The following DNAAF6 variants were observed in gnomAD, a reference collection of about 807,000 sequenced individuals.
The protein encoded by DNAAF6 is dynein axonemal assembly factor 6.
DNAAF6 carries 3 observed loss-of-function variants against 13.7 expected under a neutral mutation model. The observed-to-expected ratio is 0.22, with a 90% CI of 0.10 to 0.56. The LOEUF (loss-of-function observed/expected upper bound fraction) is 0.56, where lower values mean the gene tolerates loss of function less well. Among genes scored for constraint, DNAAF6 ranks in the 20% least tolerant of loss-of-function variants. The pLI is 0.92. For synonymous variants in DNAAF6, 54 were observed against 49.2 expected, an observed-to-expected ratio of 1.10 and a Z score of -0.41; for missense variants, 130 against 151.0, an observed-to-expected ratio of 0.86 and a Z score of 0.73.
intron 4 of DNAAF6, among the ~76,000 whole-genome samples, chrX:107,220,957 T>TTTTC (rs202218530): frequency 1.2e-4 from 6 of 50,556 alleles, no homozygotes; most frequent in African/African-American, 2.9e-4. Flanking sequence ...CTTTCTTTCT[T>TTTTC]TTTCTTTCTT....
At chrX:107,236,830 G>A (rs944795560) in intron 5 of DNAAF6, among the ~76,000 whole-genome samples, 4 of 111,876 alleles carry the variant, frequency 3.6e-5, no homozygotes, top group Non-Finnish European at 3.8e-5. Flanking sequence ...GAGGTGACAT[G>A]AGTTAACATG....
intron 1 of DNAAF6, among the ~76,000 whole-genome samples, chrX:107,209,444 G>T (rs1312919045): frequency 9.0e-6 from 1 of 110,624 alleles, no homozygotes; most frequent in Admixed American, 9.6e-5. Context: ...ACTTTTTTTG[G>T]GGGGCAGGGA....
chrX:107,242,044 C>T (rs764621132), intron 6 of DNAAF6, among the ~76,000 whole-genome samples: 3 of 112,097 alleles, frequency 2.7e-5, no homozygotes, highest in African/African-American at 9.7e-5. Flanking sequence ...GGACTCTACA[C>T]GGTTTTTGCA....
At chrX:107,219,170 A>G (rs1216292329) in intron 4 of DNAAF6, among the ~76,000 whole-genome samples, 1 of 112,104 alleles carries the variant, frequency 8.9e-6, no homozygotes, top group Non-Finnish European at 1.9e-5. Flanking sequence ...CCTTCCTTTC[A>G]GTTACTATCT....
At chrX:107,236,503 A>T (rs1928516306) in intron 5 of DNAAF6, among the ~76,000 whole-genome samples, 1 of 111,702 alleles carries the variant, frequency 9.0e-6, no homozygotes, top group Non-Finnish European at 1.9e-5. Flanking sequence ...TTCTATTAAG[A>T]TTCCTCATTG....
rs141021121 is a variant in DNAAF6, at chrX:107,215,749, G to A, written c.154-922G>A. On this transcript the variant is annotated intron_variant, in intron 2 of 6. Coordinates refer to ENST00000372453, the MANE Select transcript of DNAAF6 (RefSeq NM_173494.2). ...TAAAGTCTTAGGAGATGAGGACAGG[G>A]GCCTGAGAAAAGAGAGATAGAGGTG... Among the ~76,000 whole-genome samples the A allele has an allele frequency of 6.6e-3, 735 of 111,659 alleles. 6 individuals carry two copies. The highest frequency in any genetic ancestry group is 0.022 in the African/African-American group (688 of 30,836).
At chrX:107,229,125 CTCTTT>C (rs1928322094) in intron 5 of DNAAF6, among the ~76,000 whole-genome samples, 1 of 57,799 alleles carries the variant, frequency 1.7e-5, no homozygotes, top group African/African-American at 1.3e-4. Flanking sequence ...CTGTTGACTA[CTCTTT>C]TTTTTTTTTT....
At position 107,236,289 on chromosome X, in the gene DNAAF6, A is replaced by G. The variant is rs188040916; in HGVS notation, c.430-2633A>G. Among the ~76,000 whole-genome samples, 8 of 112,487 alleles carry G rather than the reference A, an allele frequency of 7.1e-5. No individual in the cohort carries two copies. In the East Asian group the frequency reaches 1.9e-3, roughly 27 times the overall value. On this transcript the variant is annotated intron_variant, in intron 5 of 6. Coordinates refer to ENST00000372453, the MANE Select transcript of DNAAF6 (RefSeq NM_173494.2). ...TAAAATAACTTATTCTTTAAAACAA[A>G]TTCAATTTGCACCCTATGTAAAGAA...
intron 4 of DNAAF6, among the ~76,000 whole-genome samples, chrX:107,219,978 T>C (rs1472533973): frequency 1.8e-5 from 2 of 110,835 alleles, no homozygotes; most frequent in Non-Finnish European, 3.8e-5. Flanking sequence ...TTTGTATTTT[T>C]AGTAGAGACG....
intron 4 of DNAAF6, among the ~76,000 whole-genome samples, chrX:107,219,736 C>A (rs1470824469): frequency 9.0e-6 from 1 of 110,567 alleles, no homozygotes; most frequent in Non-Finnish European, 1.9e-5. Flanking sequence ...TATATAAATT[C>A]TTAAAGACTT....
intron 1 of DNAAF6, among the ~76,000 whole-genome samples, chrX:107,209,780 T>C (rs1489927163): frequency 8.9e-6 from 1 of 112,233 alleles, no homozygotes; most frequent in Admixed American, 9.5e-5. Flanking sequence ...CCATATATAC[T>C]TGAATTAATA....
intron 5 of DNAAF6, among the ~76,000 whole-genome samples, chrX:107,223,837 T>A (rs1025002656): frequency 8.9e-6 from 1 of 111,733 alleles, no homozygotes; most frequent in Non-Finnish European, 1.9e-5. Context: ...CAAACTCTAA[T>A]GAGTTATGCT....
intron 4 of DNAAF6, among the ~76,000 whole-genome samples, chrX:107,221,818 G>A (rs1400232129): frequency 9.1e-6 from 1 of 109,475 alleles, no homozygotes; most frequent in African/African-American, 3.3e-5. Context: ...TTATTTTTGG[G>A]CATTCCTATT....
At chrX:107,234,981 G>A (rs1206058420) in intron 5 of DNAAF6, among the ~76,000 whole-genome samples, 1 of 111,918 alleles carries the variant, frequency 8.9e-6, no homozygotes, top group Non-Finnish European at 1.9e-5. Flanking sequence ...CAGGAAAGAA[G>A]AGATTTGAAA....
At chrX:107,213,176 A>G (rs1208776493) in intron 2 of DNAAF6, 148 bp downstream of exon 2, 5 of 498,336 alleles carry the variant, frequency 1.0e-5, no homozygotes, top group African/African-American at 4.9e-5. Context: ...ATGCATGACA[A>G]TGTAACCTGT....
chrX:107,231,874 T>A (rs1248918361), intron 5 of DNAAF6, among the ~76,000 whole-genome samples: 4 of 111,762 alleles, frequency 3.6e-5, no homozygotes, highest in Non-Finnish European at 1.9e-5. Context: ...TTTTTGTTTT[T>A]TGAGACAAGG....
In DNAAF6 at chrX:107,238,977, A is replaced by T. The variant is rs1928574952; in HGVS notation, c.485A>T (p.Glu162Val). ...NPSDIQIDIQETILDLRTPQK... is the reference protein window; with the variant it reads ...NPSDIQIDIQVTILDLRTPQK... Reference sequence around the variant, plus strand: ...TCTGATATTCAAATTGATATCCAGGAAACAATCCTTGACCTTCGTACTCCT... The same window carrying T: ...TCTGATATTCAAATTGATATCCAGGTAACAATCCTTGACCTTCGTACTCCT... Residue 162 changes from glutamate (E) to valine (V), a missense_variant, in exon 6 of 7, where the codon GAA (glutamate) becomes GTA (valine). Physicochemically the swap from Glu to Val is moderately radical, Grantham distance 121 (BLOSUM62 -2). Transcript: ENST00000372453. 3.3e-6 allele frequency: 4 copies of T among 1,210,970 alleles called. No homozygotes were observed. Among genetic ancestry groups the T allele is most frequent in the Non-Finnish European group, 4.5e-6 (4 of 895,104 alleles).
At chrX:107,220,992 G>A (rs978380561) in intron 4 of DNAAF6, among the ~76,000 whole-genome samples, 2 of 101,758 alleles carry the variant, frequency 2.0e-5, no homozygotes, top group African/African-American at 7.4e-5. Context: ...TTTTTTCTGA[G>A]ACAGAGTCTT....
intron 4 of DNAAF6, among the ~76,000 whole-genome samples, chrX:107,221,332 G>A (rs918489388): frequency 9.2e-6 from 1 of 108,326 alleles, no homozygotes; most frequent in African/African-American, 3.4e-5. Context: ...ATTGTTCACT[G>A]CAGCCTCAAC....
Sources: gnomAD v4.1 joint callset for allele counts (sites outside exome capture counted in the v4.1 genomes callset) on GRCh38, gnomAD v4.1.1 for gene constraint, MANE v1.5 for transcripts, NCBI Gene and HGNC (gene_info 2026-07-23, HGNC 2026-07-21) for gene names.